Variants in GREB1L observed in about 807,000 individuals in gnomAD.
GREB1L encodes GREB1-like protein.
GREB1L carries 17 observed loss-of-function variants against 200.8 expected under a neutral mutation model. The observed-to-expected ratio is 0.08, with a 90% CI of 0.06 to 0.13. The LOEUF (loss-of-function observed/expected upper bound fraction) is 0.13, where lower values mean the gene tolerates loss of function less well. Ranked by LOEUF, GREB1L falls within the 10% of genes least tolerant of loss-of-function variation. The pLI, the probability that GREB1L is intolerant of heterozygous loss-of-function variation, is 1.00. For missense variants in GREB1L, 1,657 were observed against 2,367.7 expected (o/e 0.70, Z 6.23); for synonymous variants, 789 against 893.0 (o/e 0.88, Z 2.08).
intron 1 of GREB1L, among the ~76,000 whole-genome samples, chr18:21,337,350 G>A (rs1361200297): frequency 6.6e-6 from 1 of 152,118 alleles, no homozygotes; most frequent in Non-Finnish European, 1.5e-5. Flanking sequence ...TTGATAAACA[G>A]TGTTTAATTG....
intron 1 of GREB1L, among the ~76,000 whole-genome samples, chr18:21,253,827 G>T (rs1270760705): frequency 7.8e-5 from 10 of 127,692 alleles, no homozygotes; most frequent in Admixed American, 1.5e-4. Context: ...TGACTTCCAG[G>T]CTTTTTTTTT....
intron 1 of GREB1L, among the ~76,000 whole-genome samples, chr18:21,287,160 GTTT>G (rs1318860843): frequency 6.6e-6 from 1 of 151,662 alleles, no homozygotes; most frequent in African/African-American, 2.4e-5. Context: ...TTTTGCCTGA[GTTT>G]TTTGTTTGTT....
At chr18:21,505,612 A>G (rs1412728886) in intron 24 of GREB1L, 45 bp downstream of exon 24, 1 of 1,540,854 alleles carries the variant, frequency 6.5e-7, no homozygotes, top group East Asian at 2.5e-5. Flanking sequence ...GGTTAAGGGG[A>G]CACTAGCTCA....
intron 1 of GREB1L, among the ~76,000 whole-genome samples, chr18:21,284,076 C>A (rs2038314754): frequency 6.6e-6 from 1 of 152,112 alleles, no homozygotes; most frequent in African/African-American, 2.4e-5. Context: ...ATGCTCTGTC[C>A]CTGCCACCCC....
intron 1 of GREB1L, chr18:21,363,798 A>G (rs1326822976): frequency 6.6e-6 from 1 of 152,214 alleles, no homozygotes; most frequent in Non-Finnish European, 1.5e-5. Flanking sequence ...TCATTTTATA[A>G]ACATCTTGGA....
chr18:21,353,055 G>A (rs538931551), intron 1 of GREB1L, among the ~76,000 whole-genome samples: 235 of 151,872 alleles, frequency 1.5e-3, no homozygotes, highest in African/African-American at 5.5e-3. Flanking sequence ...GGTGGCGGGC[G>A]CCTGTAGTCC....
intron 1 of GREB1L, among the ~76,000 whole-genome samples, chr18:21,319,537 C>A (rs565865025): frequency 6.6e-6 from 1 of 152,274 alleles, no homozygotes; most frequent in African/African-American, 2.4e-5. Context: ...GATAGAATTT[C>A]CAATTTTAGT....
At chr18:21,513,162 T>C (rs1249617867) in intron 27 of GREB1L, among the ~76,000 whole-genome samples, 3 of 152,300 alleles carry the variant, frequency 2.0e-5, no homozygotes, top group Admixed American at 6.5e-5. Flanking sequence ...CAGGGTCACA[T>C]GGCTAGAAAG....
Position 21,403,933 on chromosome 18 carries a change from G to T in GREB1L, c.771G>T (p.Ser257=), listed in dbSNP as rs531667797. The T allele has an allele frequency of 1.3e-6, 2 of 1,550,622 alleles. No homozygotes were observed. Among genetic ancestry groups the T allele is most frequent in the Non-Finnish European group, 1.7e-6 (2 of 1,145,724 alleles). Reference sequence around the variant, plus strand: ...CTATTAAGCCAAGCTCTTCAGTGTCGTCAACTGTGACCCCAGAAAATGGGA... The same window carrying T: ...CTATTAAGCCAAGCTCTTCAGTGTCTTCAACTGTGACCCCAGAAAATGGGA... The part of the protein sequence containing the change: ...CHSIKPSSSV[S]STVTPENGTT... Residue 257 remains serine (S), a synonymous_variant, in exon 7 of 33, where the codon TCG becomes TCT. Transcript: ENST00000424526.
intron 17 of GREB1L, among the ~76,000 whole-genome samples, chr18:21,480,953 G>A (rs1219027878): frequency 3.3e-5 from 5 of 152,036 alleles, no homozygotes; most frequent in Admixed American, 6.6e-5. Context: ...CTGGGAGGCG[G>A]AGTTTGCAAA....
intron 1 of GREB1L, among the ~76,000 whole-genome samples, chr18:21,353,417 T>C (rs2039462930): frequency 6.6e-6 from 1 of 152,124 alleles, no homozygotes; most frequent in African/African-American, 2.4e-5. Flanking sequence ...GATGGAATAT[T>C]TGTTCTCAAG....
chr18:21,373,568 A>G (rs1303083323), intron 2 of GREB1L, among the ~76,000 whole-genome samples: 1 of 152,192 alleles, frequency 6.6e-6, no homozygotes, highest in Non-Finnish European at 1.5e-5. Context: ...TCCTGACCTC[A>G]GGTGATCCAC....
rs2036087793 is a variant in GREB1L at position 21,485,371 on chromosome 18, G to C, written c.2557-249G>C. The C allele has an allele frequency of 1.7e-5, 6 of 356,384 alleles. No individual in the cohort carries two copies. The South Asian group carries it at 3.8e-4, about 23-fold the overall frequency. 22.1% of individuals were successfully genotyped at this position (356,384 alleles called of 1,614,324 possible). ...ACAAAAAAAAAAGAAAACAAACCAT[G>C]TGCCTGAAGGAAGTGTGTCAACTTT... On this transcript the variant is annotated intron_variant, in intron 17 of 32. Transcript: ENST00000424526.
chr18:21,434,773 A>C (rs1011617918), intron 7 of GREB1L, among the ~76,000 whole-genome samples: 48 of 152,236 alleles, frequency 3.2e-4, no homozygotes, highest in African/African-American at 1.1e-3. Context: ...TGTTTGTTAA[A>C]TAAGTAAAAA....
rs2036381431 is a variant in GREB1L at position 21,492,460 on chromosome 18, G to C, written c.3030+2109G>C. ...GACCTAAATGCACGTGAGGCTGCTG[G>C]GTCTTCTCCTGGTCTCTGTTGACAC... On this transcript the variant is annotated intron_variant, in intron 19 of 32. Transcript: ENST00000424526. Among the ~76,000 whole-genome samples the C allele has an allele frequency of 4.6e-5, 7 of 152,268 alleles. No homozygotes were observed. In the South Asian group the frequency reaches 1.5e-3, roughly 32 times the overall value.
At chr18:21,342,172 C>CA (rs1315466871) in intron 1 of GREB1L, among the ~76,000 whole-genome samples, 1 of 152,062 alleles carries the variant, frequency 6.6e-6, no homozygotes, top group Non-Finnish European at 1.5e-5. Flanking sequence ...AATTGATGTT[C>CA]AGTCCATCAT....
chr18:21,430,888 A>C (rs1337304491), intron 7 of GREB1L, among the ~76,000 whole-genome samples: 4 of 149,862 alleles, frequency 2.7e-5, no homozygotes, highest in Non-Finnish European at 5.9e-5. Flanking sequence ...GAGCCACCGC[A>C]CCTGGCCTCT....
chr18:21,264,700 C>G (rs1261415439), intron 1 of GREB1L, among the ~76,000 whole-genome samples: 1 of 150,746 alleles, frequency 6.6e-6, no homozygotes, highest in African/African-American at 2.4e-5. Flanking sequence ...CACCCCCGCC[C>G]CACGCCCCCC....
Position 21,523,541 on chromosome 18 carries a change from T to C in GREB1L, c.*720T>C, listed in dbSNP as rs1004205541. 4.6e-5 allele frequency: 7 copies of C among 152,348 alleles called. No homozygotes were observed. Among genetic ancestry groups the C allele is most frequent in the Admixed American group, 3.9e-4 (6 of 15,300 alleles). The allele number at this position is 152,348 out of a possible 1,614,324, so 9.4% of individuals were successfully genotyped here. On this transcript the variant is annotated 3_prime_UTR_variant, in exon 33 of 33. Transcript: ENST00000424526. ...TAATTCCTTTGCTTTACCCACTCTT[T>C]AAATGTGTTTCCAGTCTTTAAGAAT... is the stretch of plus-strand genomic sequence containing the variant.
Sources: allele counts gnomAD v4.1 joint callset (sites outside exome capture counted in the v4.1 genomes callset), GRCh38; gene constraint gnomAD v4.1.1; transcripts MANE v1.5; gene names NCBI Gene and HGNC (gene_info 2026-07-23, HGNC 2026-07-21).